Variants in KIAA1958 observed in about 807,000 individuals in gnomAD.
KIAA1958 encodes the protein uncharacterized protein KIAA1958.
Under a neutral mutation model 47.2 loss-of-function variants are expected in KIAA1958, and 14 were observed. The ratio of observed to expected loss-of-function variants is 0.30; its 90% CI spans 0.20 to 0.46. The LOEUF is 0.46. KIAA1958 is among the 20% of genes least tolerant of loss of function. The pLI, the probability that KIAA1958 is intolerant of heterozygous loss-of-function variation, is 1.00. For synonymous variants in KIAA1958, 354 were observed against 353.3 expected (o/e 1.00, Z -0.02); for missense variants, 803 against 909.2 (o/e 0.88, Z 1.50).
Position 112,660,245 on chromosome 9 carries a change from G to T in KIAA1958, c.*176G>T. The T allele has an allele frequency of 1.7e-6, 1 of 603,032 alleles. No individual in the cohort carries two copies. The highest frequency in any genetic ancestry group is 2.8e-5 in the East Asian group (1 of 36,270). 37.4% of individuals were successfully genotyped at this position (603,032 alleles called of 1,614,324 possible). ...GGGTTTGCTTTTTAAAATGAAACTAGATGAGTCTAAATCATTCGGATGGTT... is the reference window on the plus strand; with the variant it reads ...GGGTTTGCTTTTTAAAATGAAACTATATGAGTCTAAATCATTCGGATGGTT... On this transcript the variant is annotated 3_prime_UTR_variant, in exon 4 of 4. Coordinates refer to ENST00000337530, the MANE Select transcript of KIAA1958 (RefSeq NM_133465.4).
intron 1 of KIAA1958, among the ~76,000 whole-genome samples, chr9:112,537,454 T>G (rs1013825049): frequency 1.1e-4 from 17 of 152,186 alleles, no homozygotes; most frequent in African/African-American, 3.9e-4. Context: ...CTAGAATCTT[T>G]AAGGAGTTTC....
chr9:112,567,850 T>C (rs1053382440), intron 1 of KIAA1958, among the ~76,000 whole-genome samples: 2 of 149,498 alleles, frequency 1.3e-5, no homozygotes, highest in South Asian at 2.1e-4. Flanking sequence ...CCCAGCTACT[T>C]GGGAGGCTGA....
chr9:112,568,362 A>G (rs1835465043), intron 1 of KIAA1958, among the ~76,000 whole-genome samples: 1 of 152,348 alleles, frequency 6.6e-6, no homozygotes, highest in African/African-American at 2.4e-5. Context: ...TTTTTCACAA[A>G]TGCAGATGTA....
At chr9:112,493,266 C>T (rs79240922) in intron 1 of KIAA1958, among the ~76,000 whole-genome samples, 1,932 of 151,898 alleles carry the variant, frequency 0.013, 42 homozygotes, top group African/African-American at 0.042. Flanking sequence ...AATATCTAGT[C>T]GGGGCTTTTC....
chr9:112,518,047 T>G (rs1292866291), intron 1 of KIAA1958, among the ~76,000 whole-genome samples: 1 of 152,162 alleles, frequency 6.6e-6, no homozygotes, highest in Non-Finnish European at 1.5e-5. Context: ...TGACCTTAAG[T>G]GTTTGCCCAA....
At chr9:112,512,827 G>T (rs984613194) in intron 1 of KIAA1958, among the ~76,000 whole-genome samples, 1 of 151,330 alleles carries the variant, frequency 6.6e-6, no homozygotes, top group African/African-American at 2.4e-5. Context: ...TCAGGGATAG[G>T]TGTTTTTTTT....
intron 1 of KIAA1958, among the ~76,000 whole-genome samples, chr9:112,550,945 C>G (rs1302259435): frequency 6.6e-6 from 1 of 151,958 alleles, no homozygotes; most frequent in Non-Finnish European, 1.5e-5. Context: ...GTTTCTCTCT[C>G]AGGAGCCTGT....
At chr9:112,610,647 TCTC>T (rs1446969338) in intron 2 of KIAA1958, among the ~76,000 whole-genome samples, 11 of 152,192 alleles carry the variant, frequency 7.2e-5, no homozygotes, top group Non-Finnish European at 1.3e-4. Flanking sequence ...CTAAGCCTCT[TCTC>T]CTCACAACCC....
chr9:112,632,193 G>T (rs531287207), intron 2 of KIAA1958, among the ~76,000 whole-genome samples: 6 of 151,778 alleles, frequency 4.0e-5, no homozygotes. Flanking sequence ...ATTATAAATC[G>T]TTTTATTTTT....
chr9:112,612,259 T>C (rs1186549997), intron 2 of KIAA1958, among the ~76,000 whole-genome samples: 1 of 151,420 alleles, frequency 6.6e-6, no homozygotes, highest in African/African-American at 2.4e-5. Flanking sequence ...AAAAAAAACA[T>C]GTATTTTTTT....
At chr9:112,626,274 A>G (rs1225228071) in intron 2 of KIAA1958, among the ~76,000 whole-genome samples, 5 of 152,204 alleles carry the variant, frequency 3.3e-5, no homozygotes, top group African/African-American at 4.8e-5. Flanking sequence ...AAGCATAAAT[A>G]TTTAAACGTT....
intron 1 of KIAA1958, among the ~76,000 whole-genome samples, chr9:112,501,348 T>C (rs1834134583): frequency 6.6e-6 from 1 of 151,134 alleles, no homozygotes; most frequent in Non-Finnish European, 1.5e-5. Flanking sequence ...GAGACTGAAA[T>C]GGAAGGATCA....
chr9:112,618,287 A>G lies in KIAA1958; in HGVS notation c.1172-27363A>G. 1 of 1,551,020 alleles carries G rather than the reference A, an allele frequency of 6.4e-7. No individual in the cohort carries two copies. The highest frequency in any genetic ancestry group is 8.7e-7 in the Non-Finnish European group (1 of 1,147,074). On this transcript the variant is annotated intron_variant, in intron 2 of 3. Coordinates refer to ENST00000337530, the MANE Select transcript of KIAA1958 (RefSeq NM_133465.4). The surrounding 1 kb of genome is among the most constrained non-coding windows in gnomAD (Gnocchi z 7.1). ...CTTTGCTGACGAGCTCATCCTGCGG[A>G]AAAGGGGACTGCTAAGCCGATATAA...
At chr9:112,616,242 A>G (rs1323332995) in intron 2 of KIAA1958, among the ~76,000 whole-genome samples, 6 of 152,240 alleles carry the variant, frequency 3.9e-5, no homozygotes, top group African/African-American at 1.4e-4. Context: ...ACTTTTGTAT[A>G]TTTGAATTTT....
intron 2 of KIAA1958, among the ~76,000 whole-genome samples, chr9:112,576,308 A>G (rs1835644448): frequency 6.6e-6 from 1 of 152,208 alleles, no homozygotes; most frequent in African/African-American, 2.4e-5. Context: ...ATTGAAGATT[A>G]TGCTTTTCAG....
rs1192595388 is a variant in KIAA1958, at chr9:112,660,394, C to A, written c.*325C>A. The A allele has an allele frequency of 3.5e-6, 1 of 284,994 alleles. No homozygotes were observed. The highest frequency in any genetic ancestry group is 6.6e-6 in the Non-Finnish European group (1 of 151,792). 17.7% of individuals were successfully genotyped at this position (284,994 alleles called of 1,614,324 possible). A position where few individuals can be genotyped will look rare whatever the true frequency, so the allele number is the denominator to read the frequency against. On this transcript the variant is annotated 3_prime_UTR_variant, in exon 4 of 4. Transcript: ENST00000337530. ...CTAGCACAGGTTTTCTCAAAACAAA[C>A]AAACAAAAAAGGAAACTGTTAAGTA...
At chr9:112,503,610 C>A (rs1057107918) in intron 1 of KIAA1958, among the ~76,000 whole-genome samples, 1 of 96,704 alleles carries the variant, frequency 1.0e-5, no homozygotes, top group African/African-American at 4.4e-5. Flanking sequence ...GAGCGAGACC[C>A]TGTCTCAAAA....
intron 2 of KIAA1958, chr9:112,581,783 A>C (rs1310746616): frequency 1.3e-5 from 3 of 224,922 alleles, no homozygotes; most frequent in Non-Finnish European, 2.9e-5. Flanking sequence ...CCTGTTAGGA[A>C]CTGGAGAGCT....
chr9:112,493,210 A>T (rs1242208519), intron 1 of KIAA1958, among the ~76,000 whole-genome samples: 1 of 150,542 alleles, frequency 6.6e-6, no homozygotes, highest in Non-Finnish European at 1.5e-5. Context: ...ATGGTAAGTT[A>T]TGCACTATTT....
Sources: gnomAD v4.1 joint callset for allele counts (sites outside exome capture counted in the v4.1 genomes callset) on GRCh38, gnomAD v4.1.1 for gene constraint, Gnocchi (gnomAD v3.1) non-coding constraint, MANE v1.5 for transcripts, NCBI Gene and HGNC (gene_info 2026-07-23, HGNC 2026-07-21) for gene names.